The following KLHL29 variants were observed in gnomAD, a reference collection of about 807,000 sequenced individuals.
KLHL29 encodes kelch-like protein 29.
In KLHL29, 21 loss-of-function variants were observed where a neutral mutation model predicts 80.4. That is an observed-to-expected ratio of 0.26 (90% CI 0.19 to 0.38). The LOEUF is 0.38. KLHL29 is among the 10% of genes least tolerant of loss of function. The pLI is 1.00. For synonymous variants in KLHL29, 511 were observed against 526.8 expected (o/e 0.97, Z 0.41); for missense variants, 867 against 1,223.9 (o/e 0.71, Z 4.35).
intron 3 of KLHL29, among the ~76,000 whole-genome samples, chr2:23,625,846 T>C (rs1376263700): frequency 6.6e-6 from 1 of 152,154 alleles, no homozygotes; most frequent in Non-Finnish European, 1.5e-5. Flanking sequence ...ATGGGATTAG[T>C]GCTCTTGTAA....
chr2:23,550,788 G>A (rs1667104180), intron 2 of KLHL29, among the ~76,000 whole-genome samples: 1 of 152,228 alleles, frequency 6.6e-6, no homozygotes, highest in South Asian at 2.1e-4. Context: ...TCCAGGCACC[G>A]AGTAGGATTC....
intron 2 of KLHL29, among the ~76,000 whole-genome samples, chr2:23,511,588 G>A (rs1665773051): frequency 6.6e-6 from 1 of 152,216 alleles, no homozygotes; most frequent in Non-Finnish European, 1.5e-5. Flanking sequence ...GGAGATATGA[G>A]GATCTGGATA....
chr2:23,699,854 G>A (rs1252985487), intron 11 of KLHL29, among the ~76,000 whole-genome samples: 1 of 152,078 alleles, frequency 6.6e-6, no homozygotes, highest in Non-Finnish European at 1.5e-5. Flanking sequence ...CTACTCTCAT[G>A]AGCAGTTATT....
intron 3 of KLHL29, among the ~76,000 whole-genome samples, chr2:23,581,345 CTCA>C (rs1379994859): frequency 6.6e-6 from 1 of 152,168 alleles, no homozygotes; most frequent in Non-Finnish European, 1.5e-5. Flanking sequence ...TCAACAAATA[CTCA>C]TGCTTTGTTA....
intron 2 of KLHL29, among the ~76,000 whole-genome samples, chr2:23,506,134 G>A (rs1422945458): frequency 6.6e-6 from 1 of 152,214 alleles, no homozygotes; most frequent in Admixed American, 6.5e-5. Context: ...AAAATGCTGA[G>A]AAAACAGGCA....
At chr2:23,655,304 A>G (rs1670215373) in intron 5 of KLHL29, among the ~76,000 whole-genome samples, 1 of 152,206 alleles carries the variant, frequency 6.6e-6, no homozygotes, top group South Asian at 2.1e-4. Flanking sequence ...CAGTCATCCT[A>G]TGAAGGAGCC....
In KLHL29 at chr2:23,503,307, G is replaced by A. The variant is rs1359137595; in HGVS notation, c.-46+27640G>A. 2.0e-5 allele frequency among the ~76,000 whole-genome samples: 3 copies of A among 152,228 alleles called. No individual in the cohort carries two copies. The highest frequency in any genetic ancestry group is 2.1e-4 in the South Asian group (1 of 4,814). On this transcript the variant is annotated intron_variant, in intron 2 of 13. Coordinates refer to ENST00000486442, the MANE Select transcript of KLHL29 (RefSeq NM_052920.2). The surrounding 1 kb of genome is among the most constrained non-coding windows in gnomAD (Gnocchi z 4.0). ...CAAATCATTCCCTTGCCTGTGTCTCGGTTGCCCCATCTGAGCGAGAGGCTG... is the reference window on the plus strand; with the variant it reads ...CAAATCATTCCCTTGCCTGTGTCTCAGTTGCCCCATCTGAGCGAGAGGCTG...
intron 1 of KLHL29, among the ~76,000 whole-genome samples, chr2:23,387,604 T>C (rs560530622): frequency 6.6e-6 from 1 of 152,010 alleles, no homozygotes; most frequent in African/African-American, 2.4e-5. Context: ...TGAACAATTT[T>C]ATAGATTGTT....
chr2:23,577,225 G>A (rs764287745), intron 3 of KLHL29, among the ~76,000 whole-genome samples: 15 of 152,182 alleles, frequency 9.9e-5, no homozygotes, highest in East Asian at 3.9e-4. Flanking sequence ...CGAGGTGGGC[G>A]GATCACCTGA....
chr2:23,554,308 G>A (rs1667223950), intron 2 of KLHL29, among the ~76,000 whole-genome samples: 1 of 152,250 alleles, frequency 6.6e-6, no homozygotes, highest in Admixed American at 6.5e-5. Flanking sequence ...AGCACAGACT[G>A]TTCCAATCGA....
chr2:23,561,862 G>T (rs1487708335), intron 2 of KLHL29, among the ~76,000 whole-genome samples: 1 of 152,112 alleles, frequency 6.6e-6, no homozygotes, highest in African/African-American at 2.4e-5. Flanking sequence ...GCACATTTGT[G>T]TCATTCAGGG....
chr2:23,584,957 G>A (rs954889522), intron 3 of KLHL29, among the ~76,000 whole-genome samples: 1 of 152,128 alleles, frequency 6.6e-6, no homozygotes. Context: ...GGCTGGTCTC[G>A]AGCTCCTGAC....
At chr2:23,539,431 CCTTTTTTT>C (rs1195233783) in intron 2 of KLHL29, among the ~76,000 whole-genome samples, 1 of 107,214 alleles carries the variant, frequency 9.3e-6, no homozygotes, top group African/African-American at 3.6e-5. Context: ...TATCCTGCCT[CCTTTTTTT>C]TTTTTTTTTT....
At chr2:23,450,547 T>C (rs1353079054) in intron 1 of KLHL29, among the ~76,000 whole-genome samples, 1 of 152,030 alleles carries the variant, frequency 6.6e-6, no homozygotes, top group African/African-American at 2.4e-5. Flanking sequence ...AGAGATTCAA[T>C]TGGCAGCTTC....
At chr2:23,420,108 C>T (rs1010925591) in intron 1 of KLHL29, among the ~76,000 whole-genome samples, 1 of 152,142 alleles carries the variant, frequency 6.6e-6, no homozygotes, top group African/African-American at 2.4e-5. Context: ...ATGTGGTGAC[C>T]CTTGGCCTCG....
intron 1 of KLHL29, among the ~76,000 whole-genome samples, chr2:23,411,575 T>C (rs1666861341): frequency 6.6e-6 from 1 of 152,006 alleles, no homozygotes; most frequent in South Asian, 2.1e-4. Flanking sequence ...TTCCTTCTGT[T>C]GTGTGTGTGC....
In KLHL29 at chr2:23,683,058, C is replaced by T. The variant is rs191235377; in HGVS notation, c.941-1341C>T. The stretch of plus-strand genomic sequence containing the variant: ...GCAATCAGGGAGCAGAAGCAGGATC[C>T]TCAATCCCCATTTTACAGATGCAGA... On this transcript the variant is annotated intron_variant, in intron 5 of 13. Transcript: ENST00000486442. Among the ~76,000 whole-genome samples, 313 of 152,370 alleles carry T rather than the reference C, an allele frequency of 2.1e-3. 1 individual carries two copies. Among genetic ancestry groups the T allele is most frequent in the African/African-American group, 7.0e-3 (291 of 41,586 alleles).
chr2:23,589,007 ATG>A (rs1214834700), intron 3 of KLHL29, among the ~76,000 whole-genome samples: 1 of 152,174 alleles, frequency 6.6e-6, no homozygotes, highest in African/African-American at 2.4e-5. Flanking sequence ...CTCTTGGTTT[ATG>A]TGTTTGTCTC....
At chr2:23,487,120 C>A (rs913225579) in intron 2 of KLHL29, among the ~76,000 whole-genome samples, 1 of 152,166 alleles carries the variant, frequency 6.6e-6, no homozygotes, top group African/African-American at 2.4e-5. Context: ...GCCAGGGTGT[C>A]CCACTCCCTC....
Sources: allele counts gnomAD v4.1 joint callset (sites outside exome capture counted in the v4.1 genomes callset), GRCh38; gene constraint gnomAD v4.1.1; non-coding constraint Gnocchi (gnomAD v3.1); transcripts MANE v1.5; gene names NCBI Gene and HGNC (gene_info 2026-07-23, HGNC 2026-07-21).